EPHA6: variants seen among roughly 807,000 people sequenced by gnomAD.
The protein encoded by EPHA6 is EPH receptor A6, also known as ephrin type-A receptor 6.
EPHA6 carries 50 observed loss-of-function variants against 112.0 expected under a neutral mutation model. The observed-to-expected ratio is 0.45, with a 90% CI of 0.36 to 0.56. EPHA6 has a LOEUF of 0.56. EPHA6 is among the 20% of genes least tolerant of loss of function. EPHA6 has a pLI of 0.00. For missense variants in EPHA6, 1,280 were observed against 1,417.4 expected, an observed-to-expected ratio of 0.90 and a Z score of 1.56; for synonymous variants, 529 against 490.7, an observed-to-expected ratio of 1.08 and a Z score of -1.03.
chr3:97,364,412 A>C (rs1051521462), intron 5 of EPHA6, among the ~76,000 whole-genome samples: 8 of 151,242 alleles, frequency 5.3e-5, no homozygotes, highest in African/African-American at 1.7e-4. Context: ...GTATTTCAGG[A>C]GACATCAAGA....
intron 10 of EPHA6, among the ~76,000 whole-genome samples, chr3:97,526,875 C>G (rs2092628513): frequency 6.6e-6 from 1 of 151,826 alleles, no homozygotes; most frequent in East Asian, 1.9e-4. Context: ...GATGAGTCTA[C>G]CAGCATGTCT....
At chr3:97,180,454 A>C (rs2076956894) in intron 3 of EPHA6, among the ~76,000 whole-genome samples, 1 of 152,006 alleles carries the variant, frequency 6.6e-6, no homozygotes, top group South Asian at 2.1e-4. Context: ...AGGCAGATGG[A>C]GTTTGCCCTG....
intron 3 of EPHA6, among the ~76,000 whole-genome samples, chr3:97,042,972 A>C (rs554024591): frequency 3.3e-4 from 50 of 152,302 alleles, no homozygotes; most frequent in African/African-American, 1.1e-3. Flanking sequence ...AGGTAGCAGA[A>C]AGGTAGCCTT....
chr3:97,612,439 C>T (rs1487632908), intron 13 of EPHA6: 1 of 398,596 alleles, frequency 2.5e-6, no homozygotes, highest in Admixed American at 2.7e-5. Context: ...TAAATTGCTG[C>T]TAAAAATGGA....
At chr3:97,205,307 A>G (rs1428997210) in intron 3 of EPHA6, among the ~76,000 whole-genome samples, 1 of 152,076 alleles carries the variant, frequency 6.6e-6, no homozygotes, top group African/African-American at 2.4e-5. Flanking sequence ...AAGAACTGAC[A>G]TTGAAAAACT....
intron 5 of EPHA6, among the ~76,000 whole-genome samples, chr3:97,258,670 A>C (rs964651297): frequency 1.3e-5 from 2 of 152,128 alleles, no homozygotes; most frequent in African/African-American, 2.4e-5. Flanking sequence ...TCATGTATAG[A>C]GATGGGAAAC....
At chr3:97,143,821 C>A (rs1347594186) in intron 3 of EPHA6, among the ~76,000 whole-genome samples, 3 of 151,490 alleles carry the variant, frequency 2.0e-5, no homozygotes, top group Admixed American at 6.6e-5. Flanking sequence ...AGATAATGGT[C>A]TTTTAGGAGG....
At chr3:97,417,464 C>T (rs2088221170) in intron 6 of EPHA6, among the ~76,000 whole-genome samples, 1 of 151,958 alleles carries the variant, frequency 6.6e-6, no homozygotes, top group South Asian at 2.1e-4. Context: ...TAGAAAGTGA[C>T]TTATTGGCTT....
intron 3 of EPHA6, among the ~76,000 whole-genome samples, chr3:97,010,294 A>G (rs774443765): frequency 1.3e-5 from 2 of 152,162 alleles, no homozygotes; most frequent in Non-Finnish European, 2.9e-5. Flanking sequence ...GCCAACCCCA[A>G]CCCATTTTTA....
intron 11 of EPHA6, among the ~76,000 whole-genome samples, chr3:97,544,261 G>A (rs1482353240): frequency 9.2e-5 from 14 of 152,092 alleles, no homozygotes; most frequent in East Asian, 1.9e-4. Flanking sequence ...TTTGAGATAC[G>A]TCCCATCAAT....
chr3:97,547,794 C>T (rs955937825), intron 11 of EPHA6, among the ~76,000 whole-genome samples: 14 of 152,150 alleles, frequency 9.2e-5, no homozygotes, highest in Admixed American at 2.6e-4. Flanking sequence ...GCCTCACTGC[C>T]GCCTTGCAGC....
intron 3 of EPHA6, among the ~76,000 whole-genome samples, chr3:97,117,919 G>A (rs769977626): frequency 5.3e-5 from 8 of 151,758 alleles, no homozygotes; most frequent in Non-Finnish European, 1.0e-4. Flanking sequence ...AAAGAACTCT[G>A]TATCATTTTT....
intron 3 of EPHA6, among the ~76,000 whole-genome samples, chr3:97,048,198 A>G (rs1286849457): frequency 6.6e-6 from 1 of 152,216 alleles, no homozygotes. Context: ...AAGCATATCA[A>G]ATCATGCTAA....
At chr3:97,535,671 C>T (rs1370036771) in intron 11 of EPHA6, among the ~76,000 whole-genome samples, 4 of 151,984 alleles carry the variant, frequency 2.6e-5, no homozygotes, top group Admixed American at 6.6e-5. Flanking sequence ...AAAGGACTAC[C>T]CATTGCATAA....
At position 97,523,870 on chromosome 3, in the gene EPHA6, A is replaced by G. The variant is rs535330113; in HGVS notation, c.2201-8488A>G. 1.7e-3 allele frequency among the ~76,000 whole-genome samples: 261 copies of G among 152,158 alleles called. 1 individual carries two copies. Among genetic ancestry groups the G allele is most frequent in the African/African-American group, 6.0e-3 (249 of 41,568 alleles). The stretch of plus-strand genomic sequence containing the variant: ...ATTCTAATATAACAATTATATAAGC[A>G]TAATCACCTCACTCTGTATTGATCT... On this transcript the variant is annotated intron_variant, in intron 10 of 17. Transcript: ENST00000389672.
chr3:96,877,525 G>A (rs2037039200), intron 2 of EPHA6, among the ~76,000 whole-genome samples: 1 of 152,000 alleles, frequency 6.6e-6, no homozygotes, highest in African/African-American at 2.4e-5. Context: ...CCTGCACCTT[G>A]TAATTAAGAT....
At position 97,031,627 on chromosome 3, in the gene EPHA6, G is replaced by A. The variant is rs1396619448; in HGVS notation, c.1114+43634G>A. On this transcript the variant is annotated intron_variant, in intron 3 of 17. Transcript: ENST00000389672. Reference sequence around the variant, plus strand: ...AAAAAACAAACAACCCCATCAAAAAGTGGGCAAAGGACATGAACAGACACT... The same window carrying A: ...AAAAAACAAACAACCCCATCAAAAAATGGGCAAAGGACATGAACAGACACT... 1.3e-5 allele frequency among the ~76,000 whole-genome samples: 2 copies of A among 152,116 alleles called. 1 individual carries two copies. Among genetic ancestry groups the A allele is most frequent in the South Asian group, 4.1e-4 (2 of 4,832 alleles).
intron 10 of EPHA6, among the ~76,000 whole-genome samples, chr3:97,503,807 A>C (rs1229588019): frequency 6.6e-6 from 1 of 152,200 alleles, no homozygotes; most frequent in East Asian, 1.9e-4. Flanking sequence ...TTAAAAATTC[A>C]AAAGTTTCAT....
Position 96,853,934 on chromosome 3 carries a change from CA to C in EPHA6, c.386-12890del, listed in dbSNP as rs1465144060. Among the ~76,000 whole-genome samples, 3 of 151,942 alleles carry C rather than the reference CA, an allele frequency of 2.0e-5. No homozygotes were observed. The East Asian group carries it at 5.8e-4, about 29-fold the overall frequency. On this transcript the variant is annotated intron_variant, in intron 1 of 17. Coordinates refer to ENST00000389672, the MANE Select transcript of EPHA6 (RefSeq NM_001080448.3). ...TATTCCCTCTCCAATGTACTCTTCT[CA>C]GTATTTTGCAACTACTTAAAGATTT... is the stretch of plus-strand genomic sequence containing the variant.
Sources: gnomAD v4.1 joint callset for allele counts (sites outside exome capture counted in the v4.1 genomes callset) on GRCh38, gnomAD v4.1.1 for gene constraint, MANE v1.5 for transcripts, NCBI Gene and HGNC (gene_info 2026-07-23, HGNC 2026-07-21) for gene names.